The following CPPED1 variants were observed in gnomAD, a reference collection of about 807,000 sequenced individuals.
CPPED1 encodes the protein calcineurin like phosphoesterase domain containing 1.
In CPPED1, 28 loss-of-function variants were observed where a neutral mutation model predicts 28.0. The ratio of observed to expected loss-of-function variants is 1.00; its 90% CI spans 0.74 to 1.37. The LOEUF (loss-of-function observed/expected upper bound fraction) is 1.37. Ranked by LOEUF, CPPED1 falls within the 40% of genes most tolerant of loss-of-function variation. CPPED1 has a pLI of 0.00. For missense variants in CPPED1, 504 were observed against 416.5 expected, an observed-to-expected ratio of 1.21 and a Z score of -1.83; for synonymous variants, 198 against 180.2, an observed-to-expected ratio of 1.10 and a Z score of -0.79.
intron 2 of CPPED1, chr16:12,780,894 C>T (rs962997766): frequency 1.3e-5 from 5 of 396,482 alleles, no homozygotes; most frequent in Non-Finnish European, 1.8e-5. Flanking sequence ...TCAAGTTTGT[C>T]CCTGGAAATG....
chr16:12,710,354 C>T (rs990615690), intron 2 of CPPED1, among the ~76,000 whole-genome samples: 57 of 150,924 alleles, frequency 3.8e-4, no homozygotes, highest in Middle Eastern at 6.8e-3. Context: ...GGAGGCTGGT[C>T]ATGTTGTTTA....
chr16:12,746,716 T>G (rs1220304142), intron 2 of CPPED1, among the ~76,000 whole-genome samples: 1 of 152,148 alleles, frequency 6.6e-6, no homozygotes, highest in Non-Finnish European at 1.5e-5. Flanking sequence ...CATTTATTTG[T>G]GGAAGTAAAA....
At chr16:12,705,168 T>C in intron 2 of CPPED1, 119 bp from the exon 3 acceptor site, 2 of 1,118,978 alleles carry the variant, frequency 1.8e-6, no homozygotes, top group Non-Finnish European at 2.5e-6. Flanking sequence ...CCACTCCACC[T>C]AGCACATGGA....
intron 3 of CPPED1, among the ~76,000 whole-genome samples, chr16:12,675,084 T>G (rs574647075): frequency 2.0e-5 from 3 of 152,188 alleles, no homozygotes; most frequent in African/African-American, 7.2e-5. Flanking sequence ...GTTTTACCCA[T>G]CTCAGCTTTC....
intron 2 of CPPED1, among the ~76,000 whole-genome samples, chr16:12,732,033 C>T (rs2080200557): frequency 6.6e-6 from 1 of 151,934 alleles, no homozygotes; most frequent in Non-Finnish European, 1.5e-5. Context: ...CGTAGTGGCA[C>T]ACGCCTGTAA....
chr16:12,696,044 GC>G (rs2079988251), intron 3 of CPPED1, among the ~76,000 whole-genome samples: 1 of 152,118 alleles, frequency 6.6e-6, no homozygotes, highest in African/African-American at 2.4e-5. Context: ...ATTAAAAGTA[GC>G]ATGCCTTCCT....
intron 3 of CPPED1, among the ~76,000 whole-genome samples, chr16:12,678,804 C>G (rs758114876): frequency 3.3e-5 from 5 of 151,962 alleles, no homozygotes; most frequent in Non-Finnish European, 5.9e-5. Context: ...CTGGGATTTT[C>G]TAAGTTAAAA....
chr16:12,690,642 C>G (rs367775397), intron 3 of CPPED1, among the ~76,000 whole-genome samples: 2 of 128,522 alleles, frequency 1.6e-5, no homozygotes, highest in East Asian at 4.6e-4. Flanking sequence ...AATAGTGAAA[C>G]AGTGAGATCT....
At chr16:12,683,490 G>A (rs538564814) in intron 3 of CPPED1, among the ~76,000 whole-genome samples, 10 of 152,050 alleles carry the variant, frequency 6.6e-5, no homozygotes, top group East Asian at 5.8e-4. Flanking sequence ...GCCAACAATC[G>A]GTTCCTAGGC....
intron 2 of CPPED1, among the ~76,000 whole-genome samples, chr16:12,717,451 A>T (rs1567284963): frequency 6.6e-6 from 1 of 152,176 alleles, no homozygotes. Flanking sequence ...TTTTTAGTAC[A>T]GACAGGGTTT....
intron 2 of CPPED1, among the ~76,000 whole-genome samples, chr16:12,731,367 T>A (rs1375660671): frequency 2.7e-5 from 4 of 148,302 alleles, no homozygotes; most frequent in South Asian, 2.1e-4. Flanking sequence ...ATTAGAAAAA[T>A]TTTTTTTAAT....
At chr16:12,789,106 G>T (rs1341225307) in intron 1 of CPPED1, among the ~76,000 whole-genome samples, 1 of 152,170 alleles carries the variant, frequency 6.6e-6, no homozygotes, top group African/African-American at 2.4e-5. Flanking sequence ...CTGGCTTTCT[G>T]GATTCTCTTG....
Position 12,704,850 on chromosome 16 carries a change from G to C in CPPED1, c.489C>G (p.Leu163=). The C allele has an allele frequency of 6.2e-7, 1 of 1,614,198 alleles. No individual in the cohort carries two copies. Among genetic ancestry groups the C allele is most frequent in the East Asian group, 2.2e-5 (1 of 44,882 alleles). ...AGGGGTTCTCGTAGAACTGGGAGTT[G>C]AGGACCAGGAACAGGACGCCCCCGA... is the stretch of plus-strand genomic sequence containing the variant. The part of the protein sequence containing the change: ...FWVGGVLFLV[L]NSQFYENPSK... The change falls in exon 3 of 4, where the codon CTC becomes CTG. Residue 163 remains leucine (L), a synonymous_variant. Coordinates refer to ENST00000381774, the MANE Select transcript of CPPED1 (RefSeq NM_018340.3).
intron 3 of CPPED1, among the ~76,000 whole-genome samples, chr16:12,684,083 A>T (rs2079920044): frequency 1.3e-5 from 2 of 152,196 alleles, no homozygotes; most frequent in Non-Finnish European, 2.9e-5. Context: ...TAGGTCATGC[A>T]GCCACACACA....
chr16:12,727,795 T>C (rs1441756512), intron 2 of CPPED1, among the ~76,000 whole-genome samples: 3 of 152,226 alleles, frequency 2.0e-5, no homozygotes, highest in African/African-American at 7.2e-5. Flanking sequence ...GTTCGTAAAT[T>C]ATCCCCCCTT....
At chr16:12,732,419 C>T (rs1229921650) in intron 2 of CPPED1, among the ~76,000 whole-genome samples, 2 of 150,334 alleles carry the variant, frequency 1.3e-5, no homozygotes, top group Admixed American at 6.6e-5. Flanking sequence ...CTATGAGTAC[C>T]ACAGTATAGG....
At chr16:12,797,031 T>C (rs944610254) in intron 1 of CPPED1, among the ~76,000 whole-genome samples, 2 of 152,124 alleles carry the variant, frequency 1.3e-5, no homozygotes, top group Non-Finnish European at 2.9e-5. Flanking sequence ...TCCATTAACA[T>C]GAAATGTCCG....
rs182662929 is a variant in CPPED1 at position 12,719,167 on chromosome 16, G to A, written c.290-14118C>T. 1.6e-4 allele frequency among the ~76,000 whole-genome samples: 24 copies of A among 152,092 alleles called. No individual in the cohort carries two copies. In the East Asian group the frequency reaches 4.1e-3, roughly 26 times the overall value. On this transcript the variant is annotated intron_variant, in intron 2 of 3. Transcript: ENST00000381774. ...TATGGACTGGGAGGCTGAGGTGGGC[G>A]GATCACAAGGTCAGGAGATCGAGAC...
intron 2 of CPPED1, among the ~76,000 whole-genome samples, chr16:12,741,816 C>T (rs1330216880): frequency 6.6e-6 from 1 of 152,084 alleles, no homozygotes; most frequent in East Asian, 1.9e-4. Context: ...TTTGGGAGGC[C>T]GAGGCAGGTG....
Sources: allele counts gnomAD v4.1 joint callset (sites outside exome capture counted in the v4.1 genomes callset), GRCh38; gene constraint gnomAD v4.1.1; transcripts MANE v1.5; gene names NCBI Gene and HGNC (gene_info 2026-07-23, HGNC 2026-07-21).